Variants in TXNRD3 observed in about 807,000 individuals in gnomAD.
TXNRD3 encodes thioredoxin reductase 3.
A neutral mutation model predicts 78.2 loss-of-function variants in TXNRD3; 68 were observed. That is an observed-to-expected ratio of 0.87 (90% CI 0.72 to 1.06). The LOEUF is 1.06. TXNRD3 is among the 50% of genes least tolerant of loss of function. TXNRD3 has a pLI of 0.00. For missense variants in TXNRD3, 751 were observed against 809.5 expected, an observed-to-expected ratio of 0.93 and a Z score of 0.88; for synonymous variants, 296 against 300.1, an observed-to-expected ratio of 0.99 and a Z score of 0.14.
At chr3:126,616,308 C>A (rs1716618) in intron 12 of TXNRD3, among the ~76,000 whole-genome samples, 28,141 of 152,100 alleles carry the variant, frequency 0.19, 2,965 homozygotes, top group Admixed American at 0.28. Context: ...CAAAAGACAC[C>A]ACCATCCACA....
Position 126,655,108 on chromosome 3 carries a change from C to A in TXNRD3, c.-118G>T, listed in dbSNP as rs1412228189. The A allele has an allele frequency of 1.5e-6, 2 of 1,296,880 alleles. No homozygotes were observed. Among genetic ancestry groups the A allele is most frequent in the East Asian group, 3.3e-5 (1 of 29,882 alleles). 80.3% of individuals were successfully genotyped at this position (1,296,880 alleles called of 1,614,324 possible). A position where few individuals can be genotyped will look rare whatever the true frequency, so the allele number is the denominator to read the frequency against. On this transcript the variant is annotated 5_prime_UTR_variant, in exon 1 of 16. Transcript: ENST00000524230. ...CGCTGCCCTCGCTGGCCACTCTCAC[C>A]ACCCGCGCGAATCCGCGAGGCAGCC...
Position 126,607,338 on chromosome 3 carries a change from CA to C in TXNRD3, c.*566del, listed in dbSNP as rs1483887807. On this transcript the variant is annotated 3_prime_UTR_variant, in exon 16 of 16. Coordinates refer to ENST00000524230, the MANE Select transcript of TXNRD3 (RefSeq NM_052883.3). ...TTTTGACAGTAGGTTAAATGTGCCT[CA>C]AAAAAGAAAAGAGATGACTAACCCT... 2 of 152,084 alleles carry C rather than the reference CA, an allele frequency of 1.3e-5. No individual in the cohort carries two copies. The highest frequency in any genetic ancestry group is 2.9e-5 in the Non-Finnish European group (2 of 67,992). The allele number at this position is 152,084 out of a possible 1,614,324, so 9.4% of individuals were successfully genotyped here.
rs57159374 is a variant in TXNRD3, at chr3:126,636,175, C to A, written c.713-2124G>T. Among the ~76,000 whole-genome samples the A allele has an allele frequency of 7.5e-3, 1,141 of 152,224 alleles. 15 individuals carry two copies. Among genetic ancestry groups the A allele is most frequent in the African/African-American group, 0.026 (1,076 of 41,508 alleles). ...CTAGTCTCAAGCTCCTCATCTCAAG[C>A]AATTTTCCTGCCACAGTCTCACAAA... On this transcript the variant is annotated intron_variant, in intron 6 of 15. Transcript: ENST00000524230.
At chr3:126,623,851 CCAAAAAA>C (rs1197561977) in intron 10 of TXNRD3, among the ~76,000 whole-genome samples, 2 of 89,760 alleles carry the variant, frequency 2.2e-5, no homozygotes, top group Admixed American at 1.2e-4. Context: ...TGAAACAAGG[CCAAAAAA>C]AAAAAAAAAA....
At position 126,608,515 on chromosome 3, in the gene TXNRD3, T is replaced by C. The variant is rs1189076636; in HGVS notation, c.1847A>G (p.His616Arg). 1 of 1,534,516 alleles carries C rather than the reference T, an allele frequency of 6.5e-7. No individual in the cohort carries two copies. The highest frequency in any genetic ancestry group is 2.4e-5 in the East Asian group (1 of 40,858). The change falls in exon 15 of 16, where the codon CAC becomes CGC. Residue 616 changes from histidine to arginine, a missense_variant. Physicochemically the swap from His to Arg is conservative, Grantham distance 29. Transcript: ENST00000524230. ...GTTTCCTACCTCCCCACATGTGGGG[T>C]GAATTCCAATGGTGTCATCAAGTAG...
chr3:126,634,980 A>T, intron 6 of TXNRD3, among the ~76,000 whole-genome samples: 1 of 152,182 alleles, frequency 6.6e-6, no homozygotes, highest in Non-Finnish European at 1.5e-5. Context: ...CCTTTCTATG[A>T]TGCCAATGTA....
At chr3:126,644,214 T>C (rs1933170031) in intron 4 of TXNRD3, 83 bp downstream of exon 4, 5 of 1,392,024 alleles carry the variant, frequency 3.6e-6, no homozygotes, top group East Asian at 2.5e-5. Flanking sequence ...GTAACATTAG[T>C]TTGTTTTTTT....
At position 126,655,051 on chromosome 3, in the gene TXNRD3, C is replaced by G; in HGVS notation, c.-61G>C. 7.8e-7 allele frequency: 1 copy of G among 1,287,902 alleles called. No individual in the cohort carries two copies. The highest frequency in any genetic ancestry group is 9.8e-7 in the Non-Finnish European group (1 of 1,018,506). The allele number at this position is 1,287,902 out of a possible 1,614,324, so 79.8% of individuals were successfully genotyped here. A position where few individuals can be genotyped will look rare whatever the true frequency, so the allele number is the denominator to read the frequency against. On this transcript the variant is annotated 5_prime_UTR_variant, in exon 1 of 16. Transcript: ENST00000524230. ...TCACAAACCGAAACGCAGGCGGCTG[C>G]GGCGCCGGGACGGGGCCTGAGGGGC... is the stretch of plus-strand genomic sequence containing the variant.
At position 126,629,475 on chromosome 3, in the gene TXNRD3, G is replaced by C. The variant is rs1938660071; in HGVS notation, c.1198-4C>G. ...AACCTTTCTCCAACTGTTGAACCTA[G>C]TAAGAATGAAGAGTGTAATGATGTT... On this transcript the variant is annotated splice_polypyrimidine_tract_variant and splice_region_variant and intron_variant, in intron 9 of 15. Coordinates refer to ENST00000524230, the MANE Select transcript of TXNRD3 (RefSeq NM_052883.3). 6.5e-7 allele frequency: 1 copy of C among 1,532,302 alleles called. No homozygotes were observed. Among genetic ancestry groups the C allele is most frequent in the African/African-American group, 1.4e-5 (1 of 72,942 alleles). 94.9% of individuals were successfully genotyped at this position (1,532,302 alleles called of 1,614,324 possible). A position where few individuals can be genotyped will look rare whatever the true frequency, so the allele number is the denominator to read the frequency against.
chr3:126,634,354 T>A (rs2107620547), intron 6 of TXNRD3, among the ~76,000 whole-genome samples: 1 of 152,182 alleles, frequency 6.6e-6, no homozygotes, highest in South Asian at 2.1e-4. Flanking sequence ...GGCTCACCTC[T>A]CCTCGGTGGC....
At chr3:126,612,173 G>A (rs1196012357) in intron 13 of TXNRD3, among the ~76,000 whole-genome samples, 1 of 152,004 alleles carries the variant, frequency 6.6e-6, no homozygotes, top group Admixed American at 6.5e-5. Context: ...AAGTAGCTGG[G>A]ACTACAGGTG....
At chr3:126,651,031 C>T (rs1305082606) in intron 1 of TXNRD3, among the ~76,000 whole-genome samples, 3 of 152,248 alleles carry the variant, frequency 2.0e-5, no homozygotes, top group East Asian at 3.9e-4. Context: ...ACTAAGCACC[C>T]AATAACACTT....
At chr3:126,630,966 C>T in intron 8 of TXNRD3, 29 bp from the exon 9 acceptor site, 1 of 1,520,214 alleles carries the variant, frequency 6.6e-7, no homozygotes, top group Non-Finnish European at 8.8e-7. Context: ...AAAAAGAATA[C>T]CTAGGCAGCA....
At chr3:126,641,969 T>G in intron 6 of TXNRD3, 63 bp downstream of exon 6, 1 of 1,435,926 alleles carries the variant, frequency 7.0e-7, no homozygotes, top group Non-Finnish European at 9.2e-7. Context: ...GAATACCAAG[T>G]CTTTATCTAA....
chr3:126,618,431 T>C (rs1631111), intron 12 of TXNRD3, among the ~76,000 whole-genome samples: 125,056 of 152,060 alleles, frequency 0.82, 51,846 homozygotes, highest in Non-Finnish European at 0.88. Context: ...TTACAGCTAA[T>C]TAATTTTTGA....
intron 12 of TXNRD3, among the ~76,000 whole-genome samples, chr3:126,620,439 T>C (rs773532203): frequency 2.0e-5 from 3 of 152,032 alleles, no homozygotes; most frequent in Non-Finnish European, 4.4e-5. Context: ...ACTTAGGAGA[T>C]ATATACTGAA....
intron 2 of TXNRD3, 95 bp from the exon 3 acceptor site, chr3:126,646,315 T>C: frequency 1.1e-6 from 1 of 937,054 alleles, no homozygotes; most frequent in Non-Finnish European, 1.5e-6. Context: ...TGTTCACATG[T>C]ACATACTCAT....
chr3:126,608,503 C>A lies in TXNRD3; in HGVS notation c.1859G>T (p.Gly620Val). 1 of 1,532,062 alleles carries A rather than the reference C, an allele frequency of 6.5e-7. No individual in the cohort carries two copies. The highest frequency in any genetic ancestry group is 8.7e-7 in the Non-Finnish European group (1 of 1,145,434). The allele number at this position is 1,532,062 out of a possible 1,614,324, so 94.9% of individuals were successfully genotyped here. Residue 620 changes from glycine to valine, a missense_variant, in exon 15 of 16, where the codon GGG becomes GTG. Physicochemically the swap from Gly to Val is moderately radical, Grantham distance 109. Coordinates refer to ENST00000524230, the MANE Select transcript of TXNRD3 (RefSeq NM_052883.3). ...TTAAAACCTCCTGTTTCCTACCTCC[C>A]CACATGTGGGGTGAATTCCAATGGT... is the stretch of plus-strand genomic sequence containing the variant.
At chr3:126,608,468 A>G (rs1313691277) in intron 15 of TXNRD3, 31 bp downstream of exon 15, 12 of 1,509,596 alleles carry the variant, frequency 7.9e-6, no homozygotes, top group Non-Finnish European at 1.1e-5. Context: ...ACATCAACTG[A>G]AGCCAATTTT....
Sources: allele counts gnomAD v4.1 joint callset (sites outside exome capture counted in the v4.1 genomes callset), GRCh38; gene constraint gnomAD v4.1.1; transcripts MANE v1.5; gene names NCBI Gene and HGNC (gene_info 2026-07-23, HGNC 2026-07-21).